RBFOX1: variants seen among roughly 807,000 people sequenced by gnomAD.
The protein encoded by RBFOX1 is RNA binding fox-1 homolog 1.
In RBFOX1, 8 loss-of-function variants were observed where a neutral mutation model predicts 57.7. That is an observed-to-expected ratio of 0.14 (90% confidence interval 0.08 to 0.25). RBFOX1 has a LOEUF of 0.25. Ranked by LOEUF, RBFOX1 falls within the 10% of genes least tolerant of loss-of-function variation. RBFOX1 has a pLI of 1.00. For missense variants in RBFOX1, 611 were observed against 548.5 expected (o/e 1.11, Z -1.14); for synonymous variants, 326 against 222.4 (o/e 1.47, Z -4.15).
chr16:5,287,664 G>T (rs1271085780), intron 1 of RBFOX1, among the ~76,000 whole-genome samples: 1 of 152,112 alleles, frequency 6.6e-6, no homozygotes, highest in Non-Finnish European at 1.5e-5. Context: ...CTTATCTTCC[G>T]CTGGAAGCTG....
chr16:6,466,943 C>G (rs2095062852), intron 2 of RBFOX1, among the ~76,000 whole-genome samples: 2 of 151,536 alleles, frequency 1.3e-5, no homozygotes, highest in African/African-American at 4.8e-5. Flanking sequence ...AGATTTAATC[C>G]TTTCTATAAT....
At chr16:6,232,137 A>AC (rs1334917933) in intron 1 of RBFOX1, among the ~76,000 whole-genome samples, 3 of 152,142 alleles carry the variant, frequency 2.0e-5, no homozygotes, top group Non-Finnish European at 2.9e-5. Context: ...TTGAATGCCT[A>AC]AGTGCTCATT....
At chr16:7,490,830 C>T (rs112162687) in intron 4 of RBFOX1, among the ~76,000 whole-genome samples, 2 of 152,146 alleles carry the variant, frequency 1.3e-5, no homozygotes, top group African/African-American at 4.8e-5. Context: ...CCATCTTACC[C>T]AGAAACAGCA....
intron 2 of RBFOX1, among the ~76,000 whole-genome samples, chr16:6,449,767 AT>A (rs1292727059): frequency 2.6e-5 from 4 of 152,130 alleles, no homozygotes; most frequent in Non-Finnish European, 5.9e-5. Flanking sequence ...GGTGGCCCAT[AT>A]TTTATTAGCA....
chr16:6,734,250 A>T (rs974040596), intron 3 of RBFOX1, among the ~76,000 whole-genome samples: 3 of 152,164 alleles, frequency 2.0e-5, no homozygotes, highest in Non-Finnish European at 4.4e-5. Context: ...TTGAATATCT[A>T]TGAATGCCCT....
chr16:6,908,119 C>T (rs1183316228), intron 3 of RBFOX1, among the ~76,000 whole-genome samples: 1 of 151,750 alleles, frequency 6.6e-6, no homozygotes. Flanking sequence ...TTAGGACATC[C>T]ACATGTTTTG....
At chr16:6,919,450 GT>G (rs59195239) in intron 3 of RBFOX1, among the ~76,000 whole-genome samples, 75,632 of 149,472 alleles carry the variant, frequency 0.51, 18,909 homozygotes, top group East Asian at 0.55. Context: ...AACATAGAGG[GT>G]TTTTTTTTTT....
At chr16:7,126,331 C>A in intron 4 of RBFOX1, 1 of 291,358 alleles carries the variant, frequency 3.4e-6, no homozygotes, top group Non-Finnish European at 6.6e-6. Flanking sequence ...GCAGCACCCG[C>A]AGGTCTAAAT....
intron 4 of RBFOX1, among the ~76,000 whole-genome samples, chr16:7,456,923 C>T (rs142039687): frequency 6.6e-6 from 1 of 151,720 alleles, no homozygotes; most frequent in Admixed American, 6.6e-5. Flanking sequence ...CGGAGTTTCG[C>T]TCTTGTTGCC....
chr16:7,149,250 AAG>A (rs1317802827), intron 4 of RBFOX1, among the ~76,000 whole-genome samples: 3 of 151,970 alleles, frequency 2.0e-5, no homozygotes, highest in African/African-American at 7.3e-5. Flanking sequence ...GATCTGGTGG[AAG>A]AGAGAGTTGC....
intron 4 of RBFOX1, among the ~76,000 whole-genome samples, chr16:7,516,034 AGG>A (rs2076282357): frequency 6.6e-6 from 1 of 152,140 alleles, no homozygotes; most frequent in African/African-American, 2.4e-5. Flanking sequence ...TAGTAGAGGC[AGG>A]GTTTCACCAT....
At chr16:7,436,739 G>A (rs911302568) in intron 4 of RBFOX1, among the ~76,000 whole-genome samples, 2 of 151,640 alleles carry the variant, frequency 1.3e-5, no homozygotes, top group Non-Finnish European at 2.9e-5. Flanking sequence ...AAAATTATTT[G>A]GTCTCCTTGC....
chr16:7,710,450 G>T, intron 15 of RBFOX1, 173 bp from the exon 16 acceptor site: 1 of 1,439,206 alleles, frequency 6.9e-7, no homozygotes, highest in Non-Finnish European at 9.0e-7. Context: ...AGCTATTGGG[G>T]AAGGTCAGGA....
At chr16:5,815,025 C>G (rs930404437) in intron 3 of RBFOX1, among the ~76,000 whole-genome samples, 1 of 151,790 alleles carries the variant, frequency 6.6e-6, no homozygotes, top group Non-Finnish European at 1.5e-5. Flanking sequence ...ACTCTGTTAC[C>G]CAGGCTGAAG....
chr16:7,242,547 C>G (rs17670833), intron 4 of RBFOX1, among the ~76,000 whole-genome samples: 1 of 152,190 alleles, frequency 6.6e-6, no homozygotes, highest in Non-Finnish European at 1.5e-5. Flanking sequence ...TGGTCTGGAA[C>G]ACGTGGCAAC....
At chr16:6,612,214 A>G (rs967193006) in intron 2 of RBFOX1, among the ~76,000 whole-genome samples, 1 of 152,146 alleles carries the variant, frequency 6.6e-6, no homozygotes, top group Non-Finnish European at 1.5e-5. Context: ...GTTTAGCTTT[A>G]TAGAGAGTCC....
intron 2 of RBFOX1, among the ~76,000 whole-genome samples, chr16:6,588,035 G>T (rs1031067987): frequency 6.6e-6 from 1 of 151,972 alleles, no homozygotes; most frequent in Non-Finnish European, 1.5e-5. Flanking sequence ...TTTGAGACCA[G>T]CCTGGCCAAC....
exon 3 of RBFOX1, chr16:5,598,989 T>A: frequency 6.6e-7 from 1 of 1,505,986 alleles, no homozygotes; most frequent in Non-Finnish European, 8.9e-7. Flanking sequence ...GCTGAACAGA[T>A]TAGATTTTGA....
rs5009600 is a variant in RBFOX1 at position 5,825,852 on chromosome 16, G to A, written c.319-41451G>A. On this transcript the variant is annotated intron_variant, in intron 3 of 19. Coordinates refer to the RBFOX1 transcript ENST00000641259. Reference sequence around the variant, plus strand: ...TAATATGAATAAGGAATAATATTCCGTAATATGAATAAGGAATAATATTCC... The same window carrying A: ...TAATATGAATAAGGAATAATATTCCATAATATGAATAAGGAATAATATTCC... Among the ~76,000 whole-genome samples the A allele has an allele frequency of 3.0e-4, 14 of 45,970 alleles. No homozygotes were observed. The South Asian group carries it at 6.4e-3, about 21-fold the overall frequency. The allele number at this position is 45,970 out of a possible 152,430, so 30.2% of individuals were successfully genotyped here.
Sources: allele counts gnomAD v4.1 joint callset (sites outside exome capture counted in the v4.1 genomes callset), GRCh38; gene constraint gnomAD v4.1.1; transcripts MANE v1.5; gene names NCBI Gene and HGNC (gene_info 2026-07-23, HGNC 2026-07-21).